The following AHNAK2 variants were observed in gnomAD, a reference collection of about 807,000 sequenced individuals.
The protein encoded by AHNAK2 is protein AHNAK2.
Under a neutral mutation model 30.7 loss-of-function variants are expected in AHNAK2, and 18 were observed. That is an observed-to-expected ratio of 0.59 (90% confidence interval 0.41 to 0.87). The LOEUF (loss-of-function observed/expected upper bound fraction) is 0.87. Among genes scored for constraint, AHNAK2 ranks in the 40% least tolerant of loss-of-function variants. AHNAK2 has a pLI of 0.00. For missense variants in AHNAK2, 8,604 were observed against 7,373.0 expected, an observed-to-expected ratio of 1.17 and a Z score of -6.11; for synonymous variants, 3,590 against 3,073.8, an observed-to-expected ratio of 1.17 and a Z score of -5.56.
rs1169351756 is a variant in AHNAK2, at chr14:104,938,788, C to T, written c.16663G>A (p.Ala5555Thr). The T allele has an allele frequency of 4.3e-6, 7 of 1,613,796 alleles. No homozygotes were observed. The highest frequency in any genetic ancestry group is 5.9e-6 in the Non-Finnish European group (7 of 1,179,892). Residue 5555 changes from alanine to threonine, a missense_variant, in exon 7 of 7, where the codon GCC becomes ACC. Physicochemically the swap from Ala to Thr is moderately conservative, Grantham distance 58. Transcript: ENST00000333244. Reference sequence around the variant, plus strand: ...GAAATGGAGTCTACTCCTGGGGTGGCTTGTATGGGAGCCTCTTCTGTGCCC... The same window carrying T: ...GAAATGGAGTCTACTCCTGGGGTGGTTTGTATGGGAGCCTCTTCTGTGCCC... Reference protein sequence around the residue: ...QEGTEEAPIQATPGVDSISGD... With the variant: ...QEGTEEAPIQTTPGVDSISGD...
chr14:104,960,211 C>G (rs1899097272), intron 1 of AHNAK2, among the ~76,000 whole-genome samples: 1 of 152,040 alleles, frequency 6.6e-6, no homozygotes, highest in African/African-American at 2.4e-5. Context: ...ACAATAATAG[C>G]AAAAAGGAGT....
chr14:104,943,441 G>A lies in AHNAK2; in HGVS notation c.12010C>T (p.Leu4004Phe), dbSNP rs767476178. The A allele has an allele frequency of 6.2e-7, 1 of 1,613,358 alleles. No homozygotes were observed. The highest frequency in any genetic ancestry group is 8.5e-7 in the Non-Finnish European group (1 of 1,179,652). The part of the protein sequence containing the change: ...TAPKVEADVS[L>F]PSMQGDLKAT... The stretch of plus-strand genomic sequence containing the variant: ...TTGAGGTCCCCCTGCATGGAAGGGA[G>A]GCTCACGTCGGCCTCCACCTTTGGC... The change falls in exon 7 of 7, where the codon CTC becomes TTC. Residue 4004 changes from leucine to phenylalanine, a missense_variant. Coordinates refer to ENST00000333244, the MANE Select transcript of AHNAK2 (RefSeq NM_138420.4).
intron 1 of AHNAK2, among the ~76,000 whole-genome samples, chr14:104,975,908 AC>A (rs1201527987): frequency 3.3e-5 from 5 of 152,154 alleles, no homozygotes; most frequent in Non-Finnish European, 7.3e-5. Context: ...GAACAGCGAG[AC>A]CACCTCCACA....
intron 4 of AHNAK2, among the ~76,000 whole-genome samples, 190 bp from the exon 5 acceptor site, chr14:104,955,823 C>A (rs535183657): frequency 1.2e-4 from 19 of 152,384 alleles, no homozygotes; most frequent in African/African-American, 4.6e-4. Flanking sequence ...AGGAAGCCAG[C>A]TGGAACCTGC....
chr14:104,949,886 G>A lies in AHNAK2; in HGVS notation c.5565C>T (p.Ala1855=), dbSNP rs141406015. ...SVDVSAPKVE[A]EVSLPSMQGD... is the part of the protein sequence containing the mutation. ...CCTGCATGGAGGGGAGGCTCACTTC[G>A]GCCTCCACCTTCGGCGCAGACACAT... Residue 1855 remains alanine, a synonymous_variant, in exon 7 of 7, where the codon GCC becomes GCT. Coordinates refer to ENST00000333244, the MANE Select transcript of AHNAK2 (RefSeq NM_138420.4). The A allele has an allele frequency of 3.2e-3, 4,772 of 1,483,934 alleles. 370 individuals carry two copies. The African/African-American group carries it at 0.036, about 11-fold the overall frequency. The allele number at this position is 1,483,934 out of a possible 1,614,324, so 91.9% of individuals were successfully genotyped here. A position where few individuals can be genotyped will look rare whatever the true frequency, so the allele number is the denominator to read the frequency against.
chr14:104,974,160 C>T (rs913393737), intron 1 of AHNAK2, among the ~76,000 whole-genome samples: 2 of 152,214 alleles, frequency 1.3e-5, no homozygotes, highest in Admixed American at 6.5e-5. Context: ...CTGGTGGAGA[C>T]ACCCTCAAGC....
chr14:104,947,351 G>C lies in AHNAK2; in HGVS notation c.8100C>G (p.Pro2700=). The part of the protein sequence containing the change: ...DLKTTDISIQ[P]PSAQLEVQAG... Reference sequence around the variant, plus strand: ...CCTGGACCTCCAGTTGGGCAGAGGGGGGCTGAATGCTGATGTCAGTGGTCT... The same window carrying C: ...CCTGGACCTCCAGTTGGGCAGAGGGCGGCTGAATGCTGATGTCAGTGGTCT... Residue 2700 remains proline, a synonymous_variant, in exon 7 of 7, where the codon CCC becomes CCG. Coordinates refer to ENST00000333244, the MANE Select transcript of AHNAK2 (RefSeq NM_138420.4). The C allele has an allele frequency of 1.9e-6, 3 of 1,612,476 alleles. No homozygotes were observed. The highest frequency in any genetic ancestry group is 2.5e-6 in the Non-Finnish European group (3 of 1,179,560).
At chr14:104,977,897 C>A (rs1899636894) in intron 1 of AHNAK2, among the ~76,000 whole-genome samples, 1 of 150,064 alleles carries the variant, frequency 6.7e-6, no homozygotes, top group Admixed American at 6.6e-5. Flanking sequence ...AGGGAGTGAG[C>A]GACAGAGACG....
Position 104,938,049 on chromosome 14 carries a change from A to G in AHNAK2, c.*14T>C. 6.2e-7 allele frequency: 1 copy of G among 1,608,204 alleles called. No individual in the cohort carries two copies. The highest frequency in any genetic ancestry group is 8.5e-7 in the Non-Finnish European group (1 of 1,176,312). On this transcript the variant is annotated 3_prime_UTR_variant, in exon 7 of 7. Transcript: ENST00000333244. ...AGTTTTTTGCATCTCTCTTGTACTG[A>G]TGAGCCATACCTCTCAGCCTTCATT... is the stretch of plus-strand genomic sequence containing the variant.
intron 3 of AHNAK2, 47 bp downstream of exon 3, chr14:104,957,363 G>T: frequency 6.6e-7 from 1 of 1,512,270 alleles, no homozygotes. Context: ...ACAGGGCGAT[G>T]CAGGAGGAGA....
At chr14:104,961,427 T>G (rs772979021) in intron 1 of AHNAK2, among the ~76,000 whole-genome samples, 2 of 147,610 alleles carry the variant, frequency 1.4e-5, no homozygotes, top group Non-Finnish European at 3.0e-5. Context: ...GGCAGGAGAA[T>G]GGCGTGAACC....
At chr14:104,968,378 G>GGGAC (rs1899372927) in intron 1 of AHNAK2, among the ~76,000 whole-genome samples, 1 of 152,136 alleles carries the variant, frequency 6.6e-6, no homozygotes, top group Non-Finnish European at 1.5e-5. Flanking sequence ...GTGTGTCTGG[G>GGGAC]GGACGAGCAG....
rs369107155 is a variant in AHNAK2, at chr14:104,952,067, G to A, written c.3384C>T (p.Ser1128=). 16 of 1,612,348 alleles carry A rather than the reference G, an allele frequency of 9.9e-6. No individual in the cohort carries two copies. Among genetic ancestry groups the A allele is most frequent in the African/African-American group, 6.7e-5 (5 of 74,204 alleles). The stretch of plus-strand genomic sequence containing the variant: ...CCGGGGCCTCGACGTCCACCTCCAC[G>A]CTGGGCAGAGACACCTCCACATCAG... The part of the protein sequence containing the change: ...TAPDVEVSLP[S]VEVDVEAPGA... Residue 1128 remains serine, a synonymous_variant, in exon 7 of 7, where the codon AGC becomes AGT. Coordinates refer to ENST00000333244, the MANE Select transcript of AHNAK2 (RefSeq NM_138420.4).
rs1898423045 is a variant in AHNAK2, at chr14:104,948,313, C to A, written c.7138G>T (p.Gly2380Cys). The change falls in exon 7 of 7, where the codon GGC becomes TGC. Residue 2380 changes from glycine to cysteine, a missense_variant. By Grantham distance (159) the Gly-to-Cys change is radical. Transcript: ENST00000333244. ...PPSADLEVQA[G>C]QVDVKLPEGP... ...TCTGGGAGTTTCACATCCACTTGGC[C>A]AGCCTGGACCTCCAGGTCAGCGGAA... The A allele has an allele frequency of 6.2e-7, 1 of 1,612,588 alleles. No homozygotes were observed. Among genetic ancestry groups the A allele is most frequent in the African/African-American group, 1.3e-5 (1 of 74,482 alleles).
At position 104,945,451 on chromosome 14, in the gene AHNAK2, A is replaced by T. The variant is rs1566904141; in HGVS notation, c.10000T>A (p.Ser3334Thr). 1 of 1,613,334 alleles carries T rather than the reference A, an allele frequency of 6.2e-7. No homozygotes were observed. The highest frequency in any genetic ancestry group is 8.5e-7 in the Non-Finnish European group (1 of 1,179,678). ...GKSIQASVDV[S>T]APKAEADVSL... Reference sequence around the variant, plus strand: ...ACGTCGGCCTCCGCCTTCGGCGCAGACACATCCACCGAGGCCTGGATGGAC... The same window carrying T: ...ACGTCGGCCTCCGCCTTCGGCGCAGTCACATCCACCGAGGCCTGGATGGAC... The change falls in exon 7 of 7, where the codon TCT becomes ACT. Residue 3334 changes from serine to threonine, a missense_variant. Ser to Thr is a moderately conservative substitution (Grantham distance 58). Transcript: ENST00000333244.
chr14:104,941,300 A>G lies in AHNAK2; in HGVS notation c.14151T>C (p.Pro4717=). The change falls in exon 7 of 7, where the codon CCT becomes CCC. Residue 4717 remains proline (P), a synonymous_variant. Coordinates refer to ENST00000333244, the MANE Select transcript of AHNAK2 (RefSeq NM_138420.4). Reference sequence around the variant, plus strand: ...TTGCACCTGGGACTAAACTATCTTTAGGAGTTTTGGTAGAAGAAAATGAAA... The same window carrying G: ...TTGCACCTGGGACTAAACTATCTTTGGGAGTTTTGGTAGAAGAAAATGAAA... ...PKVSFSSTKT[P]KDSLVPGAKS... 1.2e-6 allele frequency: 2 copies of G among 1,613,588 alleles called. No homozygotes were observed. The highest frequency in any genetic ancestry group is 1.7e-6 in the Non-Finnish European group (2 of 1,179,842).
At position 104,978,325 on chromosome 14, in the gene AHNAK2, C is replaced by T. The variant is rs1490103035; in HGVS notation, c.-88G>A. 1 of 825,832 alleles carries T rather than the reference C, an allele frequency of 1.2e-6. No homozygotes were observed. 51.2% of individuals were successfully genotyped at this position (825,832 alleles called of 1,614,324 possible). On this transcript the variant is annotated 5_prime_UTR_variant, in exon 1 of 7. Transcript: ENST00000333244. ...GCGCACGGGGCGGGCGGGCGGGAGC[C>T]GCGCTCTGCCCCGCTGCCCTGCGCT...
In AHNAK2 at chr14:104,942,062, G is replaced by A. The variant is rs776749392; in HGVS notation, c.13389C>T (p.Phe4463=). The A allele has an allele frequency of 2.5e-6, 4 of 1,611,266 alleles. No individual in the cohort carries two copies. The highest frequency in any genetic ancestry group is 1.4e-5 in the African/African-American group (1 of 73,944). Residue 4463 remains phenylalanine (F), a synonymous_variant, in exon 7 of 7, where the codon TTC becomes TTT. Coordinates refer to ENST00000333244, the MANE Select transcript of AHNAK2 (RefSeq NM_138420.4). ...DKDVTAKDSK[F]KMPKFKMPSF... ...ATGGCATCTTGAACTTGGGCATTTT[G>A]AACTTGCTGTCTTTGGCAGTCACGT...
chr14:104,942,839 G>A lies in AHNAK2; in HGVS notation c.12612C>T (p.Gly4204=), dbSNP rs1215367990. The change falls in exon 7 of 7, where the codon GGC becomes GGT. Residue 4204 remains glycine (G), a synonymous_variant. Transcript: ENST00000333244. ...AGQVDVKLPE[G]PLPKGAGLKG... ...TGAGGCCGGCTCCCTTGGGCAGGGG[G>A]CCCTCCGGGAGTTTCACGTCCACTT... 19 of 1,612,812 alleles carry A rather than the reference G, an allele frequency of 1.2e-5. No individual in the cohort carries two copies. Among genetic ancestry groups the A allele is most frequent in the Admixed American group, 1.0e-4 (6 of 59,928 alleles).
Sources: gnomAD v4.1 joint callset for allele counts (sites outside exome capture counted in the v4.1 genomes callset) on GRCh38, gnomAD v4.1.1 for gene constraint, MANE v1.5 for transcripts, NCBI Gene and HGNC (gene_info 2026-07-23, HGNC 2026-07-21) for gene names.